Variants in CYP2D6 observed in about 807,000 individuals in gnomAD.
CYP2D6 encodes the protein cytochrome P450 family 2 subfamily D member 6 (gene/pseudogene).
Under a neutral mutation model 43.5 loss-of-function variants are expected in CYP2D6, and 51 were observed. That is an observed-to-expected ratio of 1.17 (90% CI 0.94 to 1.48). The LOEUF (loss-of-function observed/expected upper bound fraction) is 1.48. Ranked by LOEUF, CYP2D6 falls within the 40% of genes most tolerant of loss-of-function variation. The pLI is 0.00. For missense variants in CYP2D6, 698 were observed against 688.0 expected (o/e 1.01, Z -0.16); for synonymous variants, 346 against 297.1 (o/e 1.16, Z -1.69).
In CYP2D6 at chr22:42,127,861, G is replaced by A. The variant is rs747397644; in HGVS notation, c.966C>T (p.Ile322=). The change falls in exon 6 of 9, where the codon ATC becomes ATT. Residue 322 remains isoleucine (I), a synonymous_variant. Coordinates refer to ENST00000645361, the MANE Select transcript of CYP2D6 (RefSeq NM_000106.6). ...TTLAWGLLLM[I]LHPDVQRRVQ... is the part of the protein sequence containing the mutation. ...GCTCACGCTGCACATCCGGATGTAG[G>A]ATCATGAGCAGGAGGCCCCAGGCCA... The A allele has an allele frequency of 1.9e-6, 3 of 1,611,040 alleles. No individual in the cohort carries two copies. Among genetic ancestry groups the A allele is most frequent in the East Asian group, 2.2e-5 (1 of 44,758 alleles).
At position 42,128,130 on chromosome 22, in the gene CYP2D6, C is replaced by T. The variant is rs28371721; in HGVS notation, c.843+44G>A. 8,190 of 1,575,726 alleles carry T rather than the reference C, an allele frequency of 5.2e-3. 385 individuals are homozygous for T. Among genetic ancestry groups the T allele is most frequent in the African/African-American group, 0.051 (3,740 of 72,932 alleles). On this transcript the variant is annotated intron_variant, in intron 5 of 8. Transcript: ENST00000645361. The stretch of plus-strand genomic sequence containing the variant: ...GCCTCCCCTCATTCCTCCTGGGACG[C>T]TCAACCCACCACCCTTGCCCCCCAC...
In CYP2D6 at chr22:42,129,296, C is replaced by A. The variant is rs533964313; in HGVS notation, c.353-111G>T. ...GTCTCCCGCAGTCCCTGGCTCTGTCCAGCTGGTCACAGGGCCCACTCTTTG... is the reference window on the plus strand; with the variant it reads ...GTCTCCCGCAGTCCCTGGCTCTGTCAAGCTGGTCACAGGGCCCACTCTTTG... On this transcript the variant is annotated intron_variant, in intron 2 of 8. Coordinates refer to ENST00000645361, the MANE Select transcript of CYP2D6 (RefSeq NM_000106.6). The A allele has an allele frequency of 1.7e-5, 23 of 1,350,480 alleles. 1 individual carries two copies. The African/African-American group carries it at 2.6e-4, about 15-fold the overall frequency. The allele number at this position is 1,350,480 out of a possible 1,614,324, so 83.7% of individuals were successfully genotyped here. A position where few individuals can be genotyped will look rare whatever the true frequency, so the allele number is the denominator to read the frequency against.
In CYP2D6 at chr22:42,127,896, AGGT is replaced by A. The variant is rs1252148623; in HGVS notation, c.928_930del (p.Thr310del). ...AGGAGGCCCCAGGCCAGCGTGGTCG[AGGT>A]GGTCACCATCCCGGCAGAGAACAGG... is the stretch of plus-strand genomic sequence containing the variant. On this transcript the variant is annotated inframe_deletion, in exon 6 of 9. Transcript: ENST00000645361. 1.2e-5 allele frequency: 19 copies of A among 1,610,944 alleles called. 2 individuals are homozygous for A. The highest frequency in any genetic ancestry group is 1.5e-5 in the Non-Finnish European group (18 of 1,178,102).
rs764506685 is a variant in CYP2D6, at chr22:42,128,195, G to T, written c.822C>A (p.Ala274=). 3 of 1,608,578 alleles carry T rather than the reference G, an allele frequency of 1.9e-6. No homozygotes were observed. In the Middle Eastern group the frequency reaches 5.0e-4, roughly 266 times the overall value. ...TCACCTTCTCCATCTCTGCCAGGAA[G>T]GCCTCAGTCAGGTCTCGGGGGGGCT... is the stretch of plus-strand genomic sequence containing the variant. The part of the protein sequence containing the change: ...PAQPPRDLTE[A]FLAEMEKAKG... Residue 274 remains alanine (A), a synonymous_variant, in exon 5 of 9, where the codon GCC becomes GCA. Transcript: ENST00000645361.
rs1266208726 is a variant in CYP2D6, at chr22:42,129,256, C to T, written c.353-71G>A. The T allele has an allele frequency of 5.8e-6, 9 of 1,546,524 alleles. 1 individual carries two copies. The highest frequency in any genetic ancestry group is 5.3e-6 in the Non-Finnish European group (6 of 1,138,434). ...CCCACCATCCACCACCCACTCCAAC[C>T]CTATGCTCCCCCTGGTCTCCCGCAG... On this transcript the variant is annotated intron_variant, in intron 2 of 8. Transcript: ENST00000645361.
intron 1 of CYP2D6, 148 bp downstream of exon 1, chr22:42,130,464 A>G: frequency 1.1e-6 from 1 of 926,708 alleles, no homozygotes; most frequent in Non-Finnish European, 1.7e-6. Context: ...TGCCATGTAT[A>G]AATGCCCTTC....
chr22:42,127,028 A>G, intron 7 of CYP2D6, 36 bp from the exon 8 acceptor site: 1 of 1,584,292 alleles, frequency 6.3e-7, no homozygotes, highest in South Asian at 1.1e-5. Flanking sequence ...TGGGGACTGG[A>G]CTCTAGGATG....
Position 42,127,926 on chromosome 22 carries a change from C to T in CYP2D6, c.901G>A (p.Asp301Asn), listed in dbSNP as rs1058171. Residue 301 changes from aspartate to asparagine, a missense_variant, in exon 6 of 9, where the codon GAC becomes AAC. By Grantham distance (23) the Asp-to-Asn change is conservative. Coordinates refer to ENST00000645361, the MANE Select transcript of CYP2D6 (RefSeq NM_000106.6). ...NDENLRIVVA[D>N]LFSAGMVTTS... ...GTCACCATCCCGGCAGAGAACAGGT[C>T]AGCCACCACTATGCGCAGGTTCTCA... is the stretch of plus-strand genomic sequence containing the variant. 1.2e-5 allele frequency: 19 copies of T among 1,611,078 alleles called. No individual in the cohort carries two copies. Among genetic ancestry groups the T allele is most frequent in the East Asian group, 4.5e-5 (2 of 44,762 alleles).
chr22:42,127,810 C>G (rs369999094), intron 6 of CYP2D6, 32 bp downstream of exon 6: 1 of 1,608,372 alleles, frequency 6.2e-7, no homozygotes, highest in Non-Finnish European at 8.5e-7. Flanking sequence ...CTTCCTCCCT[C>G]GGCCCCTGCA....
Position 42,127,763 on chromosome 22 carries a change from G to A in CYP2D6, c.985+79C>T, listed in dbSNP as rs911213466. ...GGTCAAGCCTGTGCTTGGAGCCCCG[G>A]GTGTCCCAGCAAAGTTCATGGGCCC... On this transcript the variant is annotated intron_variant, in intron 6 of 8. Coordinates refer to ENST00000645361, the MANE Select transcript of CYP2D6 (RefSeq NM_000106.6). The A allele has an allele frequency of 3.8e-6, 6 of 1,581,502 alleles. No individual in the cohort carries two copies. The African/African-American group carries it at 5.4e-5, about 14-fold the overall frequency.
chr22:42,127,811 G>C (rs143276168), intron 6 of CYP2D6, 31 bp downstream of exon 6: 11 of 1,608,346 alleles, frequency 6.8e-6, no homozygotes, highest in South Asian at 3.3e-5. Context: ...TTCCTCCCTC[G>C]GCCCCTGCAC....
chr22:42,130,778 GCTT>G lies in CYP2D6; in HGVS notation c.11_13del (p.Glu4del), dbSNP rs1368414043. ...CACTATCACGGCCAGGGGCACCAGT[GCTT>G]CTAGCCCCATACCTGCCTCACTACC... On this transcript the variant is annotated inframe_deletion, in exon 1 of 9. Transcript: ENST00000645361. 8.9e-6 allele frequency: 14 copies of G among 1,574,830 alleles called. 2 individuals carry two copies. The highest frequency in any genetic ancestry group is 1.0e-5 in the Non-Finnish European group (12 of 1,159,202).
intron 2 of CYP2D6, chr22:42,129,479 G>A (rs867029282): frequency 8.3e-6 from 6 of 724,600 alleles, no homozygotes; most frequent in Middle Eastern, 2.3e-4. Flanking sequence ...CTTCGACACC[G>A]GATTCCAGCT....
chr22:42,129,246 C>T, intron 2 of CYP2D6, 61 bp from the exon 3 acceptor site: 1 of 1,564,796 alleles, frequency 6.4e-7, no homozygotes, highest in East Asian at 2.3e-5. Flanking sequence ...CATCCACCAC[C>T]CACTCCAACC....
intron 6 of CYP2D6, 40 bp from the exon 7 acceptor site, chr22:42,127,674 G>T (rs763067759): frequency 1.9e-6 from 3 of 1,600,290 alleles, no homozygotes; most frequent in South Asian, 1.1e-5. Flanking sequence ...CAGCACCCAG[G>T]GGGTCCGGCC....
chr22:42,130,091 A>G, intron 1 of CYP2D6, 182 bp from the exon 2 acceptor site: 2 of 642,184 alleles, frequency 3.1e-6, no homozygotes, highest in Non-Finnish European at 5.1e-6. Context: ...GGAGGAACTC[A>G]GTTTGGATGC....
intron 2 of CYP2D6, chr22:42,129,441 A>G (rs1197422828): frequency 9.3e-6 from 7 of 749,632 alleles, no homozygotes; most frequent in Non-Finnish European, 1.6e-5. Context: ...CACTGAGCTT[A>G]CAGCACAGGT....
chr22:42,128,106 C>G lies in CYP2D6; in HGVS notation c.843+68G>C, dbSNP rs1473183716. ...TGCACTGGTCCAACCTTTTGCCCAG[C>G]CTCCCCTCATTCCTCCTGGGACGCT... is the stretch of plus-strand genomic sequence containing the variant. On this transcript the variant is annotated intron_variant, in intron 5 of 8. Coordinates refer to ENST00000645361, the MANE Select transcript of CYP2D6 (RefSeq NM_000106.6). 5.1e-6 allele frequency: 8 copies of G among 1,580,312 alleles called. No homozygotes were observed. In the East Asian group the frequency reaches 1.6e-4, roughly 32 times the overall value.
At chr22:42,127,425 G>A (rs1931101442) in intron 7 of CYP2D6, 22 bp downstream of exon 7, 1 of 1,580,912 alleles carries the variant, frequency 6.3e-7, no homozygotes, top group East Asian at 2.2e-5. Context: ...CTGAGCTGGG[G>A]TGAGGAGGGC....
Sources: gnomAD v4.1 joint callset for allele counts on GRCh38, gnomAD v4.1.1 for gene constraint, MANE v1.5 for transcripts, NCBI Gene and HGNC (gene_info 2026-07-23, HGNC 2026-07-21) for gene names.